SH2D4B: variants seen among roughly 807,000 people sequenced by gnomAD.
SH2D4B encodes the protein SH2 domain containing 4B, also known as SH2 domain-containing protein 4B.
A neutral mutation model predicts 61.5 loss-of-function variants in SH2D4B; 45 were observed. The ratio of observed to expected loss-of-function variants is 0.73; its 90% CI spans 0.58 to 0.94. SH2D4B has a LOEUF of 0.94. SH2D4B is among the 40% of genes least tolerant of loss of function. The pLI, the probability that SH2D4B is intolerant of heterozygous loss-of-function variation, is 0.00. For missense variants in SH2D4B, 572 were observed against 574.2 expected (o/e 1.00, Z 0.04); for synonymous variants, 224 against 220.4 (o/e 1.02, Z -0.14).
intron 3 of SH2D4B, among the ~76,000 whole-genome samples, chr10:80,578,867 G>A (rs1842155922): frequency 6.6e-6 from 1 of 152,148 alleles, no homozygotes; most frequent in African/African-American, 2.4e-5. Context: ...GGAGAGAAGG[G>A]ATGGATATAG....
At chr10:80,627,089 G>A (rs537953415) in intron 6 of SH2D4B, among the ~76,000 whole-genome samples, 1 of 152,310 alleles carries the variant, frequency 6.6e-6, no homozygotes, top group South Asian at 2.1e-4. Context: ...AGGAGCCTGA[G>A]TGTGTCGTTT....
chr10:80,567,702 C>T (rs746539325), intron 1 of SH2D4B, among the ~76,000 whole-genome samples: 2 of 152,218 alleles, frequency 1.3e-5, no homozygotes, highest in Non-Finnish European at 2.9e-5. Flanking sequence ...AGTTTCCCTG[C>T]CTTGCAGTGA....
chr10:80,616,100 C>G (rs1418987195), intron 6 of SH2D4B, among the ~76,000 whole-genome samples: 1 of 151,410 alleles, frequency 6.6e-6, no homozygotes, highest in East Asian at 1.9e-4. Context: ...ACTGATTTAG[C>G]CTTCCAAAAA....
intron 6 of SH2D4B, among the ~76,000 whole-genome samples, chr10:80,629,149 C>T (rs1265582240): frequency 1.3e-5 from 2 of 152,142 alleles, no homozygotes; most frequent in African/African-American, 4.8e-5. Flanking sequence ...GCCCTAGCAT[C>T]TGCTCGGCTT....
chr10:80,552,209 T>C (rs1564766182), intron 1 of SH2D4B, among the ~76,000 whole-genome samples: 1 of 152,202 alleles, frequency 6.6e-6, no homozygotes. Flanking sequence ...CAGAGGCTCA[T>C]GCCCAGGGTC....
intron 4 of SH2D4B, among the ~76,000 whole-genome samples, chr10:80,597,379 G>A (rs1842395849): frequency 6.6e-6 from 1 of 152,182 alleles, no homozygotes; most frequent in South Asian, 2.1e-4. Context: ...TAAAATACAT[G>A]GGGAGGCCAG....
chr10:80,558,777 T>C (rs941764259), intron 1 of SH2D4B, among the ~76,000 whole-genome samples: 2 of 152,174 alleles, frequency 1.3e-5, no homozygotes, highest in Admixed American at 6.5e-5. Context: ...ACTGCTAGGA[T>C]TACAGGTGTG....
chr10:80,583,986 T>C (rs1302842734), intron 3 of SH2D4B, among the ~76,000 whole-genome samples: 1 of 152,228 alleles, frequency 6.6e-6, no homozygotes, highest in Non-Finnish European at 1.5e-5. Context: ...ATAAATGCCT[T>C]GTGCAGAAGA....
intron 3 of SH2D4B, 68 bp downstream of exon 3, chr10:80,571,646 T>C: frequency 1.3e-6 from 2 of 1,578,970 alleles, no homozygotes; most frequent in Non-Finnish European, 1.7e-6. Context: ...GGGGCTGACC[T>C]CTGGTTTGGA....
At chr10:80,546,769 C>T (rs909963551) in intron 1 of SH2D4B, among the ~76,000 whole-genome samples, 2 of 152,048 alleles carry the variant, frequency 1.3e-5, no homozygotes, top group African/African-American at 4.8e-5. Context: ...CCTCATGATC[C>T]GTCCGCCTCG....
At chr10:80,562,887 A>ATTTTT (rs1223682186) in intron 1 of SH2D4B, among the ~76,000 whole-genome samples, 5 of 122,148 alleles carry the variant, frequency 4.1e-5, no homozygotes, top group Non-Finnish European at 8.5e-5. Flanking sequence ...GATGCTGAAC[A>ATTTTT]TTTTTTCTTT....
intron 4 of SH2D4B, among the ~76,000 whole-genome samples, chr10:80,591,129 T>C (rs1842320023): frequency 6.6e-6 from 1 of 152,088 alleles, no homozygotes; most frequent in Non-Finnish European, 1.5e-5. Flanking sequence ...CACATTGTTG[T>C]TTGTCCACTT....
chr10:80,543,452 C>T (rs1331051836), intron 1 of SH2D4B, among the ~76,000 whole-genome samples: 4 of 152,148 alleles, frequency 2.6e-5, no homozygotes, highest in East Asian at 1.9e-4. Context: ...CTTCCCGCGG[C>T]GCAGGGCTCG....
At chr10:80,543,500 C>T (rs1448580946) in intron 1 of SH2D4B, among the ~76,000 whole-genome samples, 1 of 152,210 alleles carries the variant, frequency 6.6e-6, no homozygotes, top group Non-Finnish European at 1.5e-5. Context: ...TACCCCCTGC[C>T]TCCGTGGGCT....
chr10:80,610,174 T>C (rs1842579232), intron 6 of SH2D4B, among the ~76,000 whole-genome samples: 1 of 152,144 alleles, frequency 6.6e-6, no homozygotes, highest in Non-Finnish European at 1.5e-5. Flanking sequence ...GGCTGGCACA[T>C]TCTCATTTTC....
intron 3 of SH2D4B, among the ~76,000 whole-genome samples, chr10:80,573,631 A>G (rs1842090052): frequency 6.6e-6 from 1 of 152,012 alleles, no homozygotes; most frequent in Non-Finnish European, 1.5e-5. Flanking sequence ...TTGGATTCTT[A>G]CTTGTTACTT....
intron 6 of SH2D4B, among the ~76,000 whole-genome samples, chr10:80,633,813 G>A (rs1842861169): frequency 1.3e-5 from 2 of 152,130 alleles, no homozygotes; most frequent in African/African-American, 4.8e-5. Flanking sequence ...ACTTTTTAAG[G>A]GAAACCCCTA....
At chr10:80,604,917 C>T (rs1842499597) in intron 5 of SH2D4B, among the ~76,000 whole-genome samples, 2 of 152,124 alleles carry the variant, frequency 1.3e-5, no homozygotes, top group African/African-American at 4.8e-5. Flanking sequence ...CCTCAGCATC[C>T]CAAGTAGCTG....
intron 6 of SH2D4B, among the ~76,000 whole-genome samples, chr10:80,626,620 T>C (rs1166500750): frequency 6.6e-6 from 1 of 152,188 alleles, no homozygotes; most frequent in Non-Finnish European, 1.5e-5. Flanking sequence ...CCCATGGGTG[T>C]GTCATGCCTG....
Sources: gnomAD v4.1 joint callset for allele counts (sites outside exome capture counted in the v4.1 genomes callset) on GRCh38, gnomAD v4.1.1 for gene constraint, MANE v1.5 for transcripts, NCBI Gene and HGNC (gene_info 2026-07-23, HGNC 2026-07-21) for gene names.